ZFHX3: variants seen among roughly 807,000 people sequenced by gnomAD.
ZFHX3 encodes zinc finger homeobox 3, also known as zinc finger homeobox protein 3.
ZFHX3 carries 42 observed loss-of-function variants against 279.1 expected under a neutral mutation model. The ratio of observed to expected loss-of-function variants is 0.15; its 90% confidence interval spans 0.12 to 0.19. ZFHX3 has a LOEUF of 0.19. Among genes scored for constraint, ZFHX3 ranks in the 10% least tolerant of loss-of-function variants. The pLI is 1.00. For missense variants in ZFHX3, 4,981 were observed against 4,754.0 expected (o/e 1.05, Z -1.40); for synonymous variants, 2,293 against 1,957.8 (o/e 1.17, Z -4.52).
chr16:73,085,982 T>C (rs1335141906), intron 8 of ZFHX3, among the ~76,000 whole-genome samples: 2 of 103,854 alleles, frequency 1.9e-5, no homozygotes, highest in Admixed American at 9.8e-5. Context: ...AACAACTCAA[T>C]TGCAAAAAAA....
At chr16:72,934,804 G>A (rs1960025535) in intron 3 of ZFHX3, among the ~76,000 whole-genome samples, 2 of 152,142 alleles carry the variant, frequency 1.3e-5, no homozygotes, top group South Asian at 2.1e-4. Flanking sequence ...AACTGCAGCC[G>A]CACATCAGAA....
chr16:73,824,388 TTTTTTTTTAATG>T, intron 1 of ZFHX3, among the ~76,000 whole-genome samples: 1 of 149,734 alleles, frequency 6.7e-6, no homozygotes, highest in East Asian at 1.9e-4. Context: ...TTTCTTTTTT[TTTTTTTTTAATG>T]TTTTTTTTTT....
rs374068337 is a variant in ZFHX3 at position 73,643,949 on chromosome 16, A to T, written c.-1547+36231T>A. Reference sequence around the variant, plus strand: ...TTCTAAGTCTTCTACTCAAAACAGTATTGCTATCAGCTTTTGTCCTTATCA... The same window carrying T: ...TTCTAAGTCTTCTACTCAAAACAGTTTTGCTATCAGCTTTTGTCCTTATCA... On this transcript the variant is annotated intron_variant, in intron 2 of 17. Transcript: ENST00000641206. Among the ~76,000 whole-genome samples the T allele has an allele frequency of 1.1e-3, 171 of 152,278 alleles. 3 individuals carry two copies. Among genetic ancestry groups the T allele is most frequent in the African/African-American group, 3.9e-3 (161 of 41,566 alleles).
chr16:72,918,758 A>G (rs540699446), intron 3 of ZFHX3, among the ~76,000 whole-genome samples: 6 of 150,186 alleles, frequency 4.0e-5, no homozygotes, highest in African/African-American at 1.5e-4. Flanking sequence ...CGCAGTGGTG[A>G]AATCTCGGCT....
chr16:72,957,330 A>C, intron 2 of ZFHX3, 97 bp downstream of exon 2: 2 of 1,415,530 alleles, frequency 1.4e-6, no homozygotes, highest in East Asian at 4.6e-5. Context: ...CGAGAAGACC[A>C]GAGTCAACTG....
At chr16:73,732,502 T>G (rs1420774985) in intron 1 of ZFHX3, among the ~76,000 whole-genome samples, 1 of 152,242 alleles carries the variant, frequency 6.6e-6, no homozygotes, top group Non-Finnish European at 1.5e-5. Context: ...TCATATGTTT[T>G]AGGATTTGTC....
intron 3 of ZFHX3, among the ~76,000 whole-genome samples, chr16:73,417,312 G>A (rs1016856397): frequency 6.6e-6 from 1 of 151,368 alleles, no homozygotes; most frequent in Non-Finnish European, 1.5e-5. Context: ...GGACGTGAGT[G>A]AAAACACCGG....
intron 3 of ZFHX3, among the ~76,000 whole-genome samples, chr16:73,399,836 T>G (rs919576404): frequency 1.7e-5 from 1 of 59,730 alleles, no homozygotes; most frequent in East Asian, 4.5e-4. Context: ...GTGTGGTGTG[T>G]GGTGTGTGTG....
chr16:73,482,014 T>C (rs1253416862), intron 2 of ZFHX3, among the ~76,000 whole-genome samples: 3 of 152,138 alleles, frequency 2.0e-5, no homozygotes, highest in Non-Finnish European at 4.4e-5. Context: ...CTGAAGTGGG[T>C]ACATATCAGA....
intron 1 of ZFHX3, among the ~76,000 whole-genome samples, chr16:73,727,831 C>T (rs775084412): frequency 1.5e-4 from 23 of 152,164 alleles, no homozygotes; most frequent in Non-Finnish European, 3.2e-4. Flanking sequence ...GTTGAACCAT[C>T]CCTCTGGTGG....
At chr16:73,878,940 G>GATATATATATATATATATATATATATAT (rs3082335) in intron 1 of ZFHX3, among the ~76,000 whole-genome samples, 2 of 141,028 alleles carry the variant, frequency 1.4e-5, no homozygotes, top group African/African-American at 5.1e-5. Flanking sequence ...AAAAAGATAA[G>GATATATATATATATATATATATATATAT]ATATATATAT....
intron 1 of ZFHX3, among the ~76,000 whole-genome samples, chr16:73,795,473 T>G (rs1390836114): frequency 6.6e-6 from 1 of 152,180 alleles, no homozygotes; most frequent in Admixed American, 6.5e-5. Context: ...CAGGCTTGGC[T>G]GATGAGAGAT....
intron 1 of ZFHX3, chr16:73,794,280 C>T (rs977598471): frequency 6.6e-6 from 1 of 152,162 alleles, no homozygotes; most frequent in Admixed American, 6.5e-5. Flanking sequence ...GAGGAGACCC[C>T]TAGGCCACCC....
At chr16:73,125,896 C>T (rs78121385) in intron 7 of ZFHX3, among the ~76,000 whole-genome samples, 3,673 of 151,940 alleles carry the variant, frequency 0.024, 148 homozygotes, top group African/African-American at 0.085. Context: ...CATTATTATC[C>T]CACTTCACAG....
chr16:73,088,486 C>G (rs1966035836), intron 8 of ZFHX3, among the ~76,000 whole-genome samples: 1 of 152,156 alleles, frequency 6.6e-6, no homozygotes, highest in Admixed American at 6.5e-5. Context: ...TACTTACCAT[C>G]TCCATGATTG....
chr16:72,814,340 G>T (rs962232408), intron 5 of ZFHX3, among the ~76,000 whole-genome samples: 1 of 152,108 alleles, frequency 6.6e-6, no homozygotes, highest in Non-Finnish European at 1.5e-5. Flanking sequence ...CAATCTGCCT[G>T]CCCCCTACTA....
At position 72,906,539 on chromosome 16, in the gene ZFHX3, T is replaced by C. The variant is rs189598505; in HGVS notation, c.3217-16577A>G. On this transcript the variant is annotated intron_variant, in intron 3 of 9. Coordinates refer to ENST00000268489, the MANE Select transcript of ZFHX3 (RefSeq NM_006885.4). ...GGCCGGGCATGGTGGCTCACACCTA[T>C]AAATCCCAGCACTATGGGAGGCCGA... is the stretch of plus-strand genomic sequence containing the variant. Among the ~76,000 whole-genome samples the C allele has an allele frequency of 1.1e-3, 160 of 152,194 alleles. 1 individual carries two copies. In the Middle Eastern group the frequency reaches 0.027, roughly 26 times the overall value.
At chr16:72,915,026 T>C (rs1414155435) in intron 3 of ZFHX3, among the ~76,000 whole-genome samples, 4 of 152,034 alleles carry the variant, frequency 2.6e-5, no homozygotes, top group East Asian at 1.9e-4. Context: ...CAAAAACACA[T>C]AGGCTAACAA....
At chr16:73,807,822 G>A (rs927776886) in intron 1 of ZFHX3, among the ~76,000 whole-genome samples, 4 of 151,566 alleles carry the variant, frequency 2.6e-5, no homozygotes, top group East Asian at 1.9e-4. Context: ...CCATTCACGC[G>A]GGACTCTAAT....
Sources: allele counts gnomAD v4.1 joint callset (sites outside exome capture counted in the v4.1 genomes callset), GRCh38; gene constraint gnomAD v4.1.1; transcripts MANE v1.5; gene names NCBI Gene and HGNC (gene_info 2026-07-23, HGNC 2026-07-21).